Variants in PLSCR2 observed in about 807,000 individuals in gnomAD.
PLSCR2 encodes the protein PL scramblase 2.
A neutral mutation model predicts 25.3 loss-of-function variants in PLSCR2; 18 were observed. That is an observed-to-expected ratio of 0.71 (90% confidence interval 0.49 to 1.06). PLSCR2 has a LOEUF of 1.06. PLSCR2 is among the 50% of genes least tolerant of loss of function. The pLI, the probability that PLSCR2 is intolerant of heterozygous loss-of-function variation, is 0.00. For missense variants in PLSCR2, 243 were observed against 269.5 expected (o/e 0.90, Z 0.69); for synonymous variants, 88 against 87.3 (o/e 1.01, Z -0.04).
At chr3:146,449,058 A>T in intron 6 of PLSCR2, 148 bp downstream of exon 6, 2 of 631,556 alleles carry the variant, frequency 3.2e-6, no homozygotes, top group Non-Finnish European at 5.3e-6. Flanking sequence ...TCAGAATCAA[A>T]TAGAATTTCA....
At chr3:146,481,663 T>C (rs149020555) in intron 1 of PLSCR2, among the ~76,000 whole-genome samples, 6 of 152,276 alleles carry the variant, frequency 3.9e-5, no homozygotes, top group Admixed American at 6.5e-5. Context: ...CCCAAGGTAA[T>C]TTATAGATTC....
intron 3 of PLSCR2, among the ~76,000 whole-genome samples, chr3:146,394,362 G>T (rs1239733460): frequency 6.6e-6 from 1 of 151,936 alleles, no homozygotes. Context: ...CTGCCTCCTG[G>T]GTTCAAGCGA....
chr3:146,462,523 T>C (rs1347405738), upstream of PLSCR2, among the ~76,000 whole-genome samples: 1 of 151,242 alleles, frequency 6.6e-6, no homozygotes, highest in Non-Finnish European at 1.5e-5. Flanking sequence ...GAGTGTAGTG[T>C]GGCATGATCT....
At chr3:146,413,223 G>C (rs1310063288) in intron 2 of PLSCR2, among the ~76,000 whole-genome samples, 1 of 152,068 alleles carries the variant, frequency 6.6e-6, no homozygotes, top group Non-Finnish European at 1.5e-5. Flanking sequence ...TCTCTGAAAT[G>C]CCTTCAAGGC....
chr3:146,444,433 T>A (rs2040425242), intron 6 of PLSCR2, among the ~76,000 whole-genome samples: 1 of 151,992 alleles, frequency 6.6e-6, no homozygotes, highest in Non-Finnish European at 1.5e-5. Context: ...GCTTTCTATA[T>A]CTCGGTGCTC....
rs376961730 is a variant in PLSCR2 at position 146,394,116 on chromosome 3, T to C, written c.*145+1644A>G. ...TTTTGGAGTCTTAATGTCTTTTTTT[T>C]CCCCTGGTATTAATTTAGCTTCCCT... On this transcript the variant is annotated intron_variant and NMD_transcript_variant, in intron 3 of 3. Transcript: ENST00000463633. 3.9e-3 allele frequency among the ~76,000 whole-genome samples: 593 copies of C among 152,252 alleles called. 4 individuals are homozygous for C. The highest frequency in any genetic ancestry group is 0.013 in the African/African-American group (560 of 41,556).
intron 6 of PLSCR2, among the ~76,000 whole-genome samples, chr3:146,446,285 G>A (rs1180646212): frequency 9.9e-5 from 15 of 152,090 alleles, no homozygotes; most frequent in Admixed American, 9.8e-4. Flanking sequence ...GTTTGTACCT[G>A]TCCTTCTTGG....
At chr3:146,397,060 A>T (rs1232889958) in intron 2 of PLSCR2, among the ~76,000 whole-genome samples, 1 of 152,122 alleles carries the variant, frequency 6.6e-6, no homozygotes, top group East Asian at 1.9e-4. Context: ...TCTTAGTCCC[A>T]TACCAAATAA....
In PLSCR2 at chr3:146,495,793, CGTGA is replaced by C. The variant is rs1241186573; in HGVS notation, c.-293+98_-293+101del. 8.2e-6 allele frequency: 7 copies of C among 855,162 alleles called. No individual in the cohort carries two copies. The East Asian group carries it at 1.9e-4, about 23-fold the overall frequency. The allele number at this position is 855,162 out of a possible 1,614,324, so 53.0% of individuals were successfully genotyped here. A position where few individuals can be genotyped will look rare whatever the true frequency, so the allele number is the denominator to read the frequency against. On this transcript the variant is annotated intron_variant, in intron 1 of 8. Transcript: ENST00000336685. ...AGTTTAAGGTCCCCATTAGGTAGTT[CGTGA>C]ATAGGAACATATGCATAAACAAAAG...
chr3:146,395,762 T>G (rs1040177172), exon 3 of PLSCR2: 11 of 157,198 alleles, frequency 7.0e-5, no homozygotes, highest in African/African-American at 7.5e-5. Flanking sequence ...AGACTCACAA[T>G]GAGGAAAGTT....
At chr3:146,431,269 CTTT>C (rs879816250), downstream of PLSCR2, among the ~76,000 whole-genome samples, 1 of 152,170 alleles carries the variant, frequency 6.6e-6, no homozygotes, top group Admixed American at 6.5e-5. Flanking sequence ...TTTCTCAGAA[CTTT>C]TTTATTCTAG....
chr3:146,460,016 C>A (rs2041470971), exon 2 of PLSCR2: 1 of 1,605,790 alleles, frequency 6.2e-7, no homozygotes, highest in Non-Finnish European at 8.5e-7. Context: ...CCTGGGAGCC[C>A]AGGTGGTCAG....
upstream of PLSCR2, among the ~76,000 whole-genome samples, chr3:146,460,525 G>A (rs1228248513): frequency 2.0e-5 from 3 of 151,550 alleles, no homozygotes; most frequent in African/African-American, 4.8e-5. Context: ...AATTTTAATT[G>A]TGGAATTATA....
downstream of PLSCR2, chr3:146,441,657 A>G (rs777857788): frequency 4.9e-6 from 3 of 612,124 alleles, no homozygotes; most frequent in Non-Finnish European, 8.7e-6. Context: ...CTTAACTCAC[A>G]CAGGTGTAAG....
At chr3:146,426,987 A>C (rs916794609) in intron 2 of PLSCR2, among the ~76,000 whole-genome samples, 1 of 152,216 alleles carries the variant, frequency 6.6e-6, no homozygotes, top group Non-Finnish European at 1.5e-5. Flanking sequence ...TATAATAATA[A>C]TAGTAGTAGT....
intron 3 of PLSCR2, among the ~76,000 whole-genome samples, chr3:146,393,782 C>A (rs1237240570): frequency 3.4e-5 from 5 of 147,478 alleles, no homozygotes; most frequent in Non-Finnish European, 7.4e-5. Context: ...GCACTGCACT[C>A]CAGCCTGGCG....
chr3:146,430,280 C>A (rs1004954989), downstream of PLSCR2, among the ~76,000 whole-genome samples: 6 of 152,052 alleles, frequency 3.9e-5, no homozygotes, highest in African/African-American at 1.4e-4. Flanking sequence ...GTAGATACTA[C>A]TATCAATGAC....
rs753565033 is a variant in PLSCR2, at chr3:146,455,487, T to A, written c.101-28A>T. On this transcript the variant is annotated intron_variant, in intron 3 of 6. Transcript: ENST00000610787. ...AAAAATGAAAATAAAATCAGTTGCC[T>A]TTACGTTAAAATGATTGAACCTATC... is the stretch of plus-strand genomic sequence containing the variant. 7 of 1,362,170 alleles carry A rather than the reference T, an allele frequency of 5.1e-6. No homozygotes were observed. In the Admixed American group the frequency reaches 1.2e-4, roughly 23 times the overall value. The allele number at this position is 1,362,170 out of a possible 1,614,324, so 84.4% of individuals were successfully genotyped here. A position where few individuals can be genotyped will look rare whatever the true frequency, so the allele number is the denominator to read the frequency against.
At chr3:146,480,237 A>C (rs2043081268) in intron 1 of PLSCR2, among the ~76,000 whole-genome samples, 1 of 152,236 alleles carries the variant, frequency 6.6e-6, no homozygotes, top group Non-Finnish European at 1.5e-5. Context: ...AACTAAGATC[A>C]GAGCAGAACT....
Sources: allele counts gnomAD v4.1 joint callset (sites outside exome capture counted in the v4.1 genomes callset), GRCh38; gene constraint gnomAD v4.1.1; transcripts MANE v1.5; gene names NCBI Gene and HGNC (gene_info 2026-07-23, HGNC 2026-07-21).